KCNH8: variants seen among roughly 807,000 people sequenced by gnomAD.
KCNH8 encodes the protein voltage-gated delayed rectifier potassium channel KCNH8.
Under a neutral mutation model 103.6 loss-of-function variants are expected in KCNH8, and 70 were observed. The ratio of observed to expected loss-of-function variants is 0.68; its 90% confidence interval spans 0.56 to 0.82. The LOEUF (loss-of-function observed/expected upper bound fraction) is 0.82, where lower values mean the gene tolerates loss of function less well. Ranked by LOEUF, KCNH8 falls within the 40% of genes least tolerant of loss-of-function variation. KCNH8 has a pLI of 0.00. For missense variants in KCNH8, 1,217 were observed against 1,329.9 expected (o/e 0.92, Z 1.32); for synonymous variants, 498 against 489.4 (o/e 1.02, Z -0.23).
chr3:19,396,712 T>C (rs1424324002), intron 7 of KCNH8, among the ~76,000 whole-genome samples: 1 of 152,036 alleles, frequency 6.6e-6, no homozygotes, highest in African/African-American at 2.4e-5. Flanking sequence ...AGGGTCTGAA[T>C]TGTATGTGGA....
At chr3:19,154,446 A>G (rs1359583797) in intron 1 of KCNH8, among the ~76,000 whole-genome samples, 3 of 152,206 alleles carry the variant, frequency 2.0e-5, no homozygotes, top group Non-Finnish European at 2.9e-5. Flanking sequence ...GTAAAAAACT[A>G]TGGTGCCATC....
chr3:19,499,857 A>C (rs891038630), intron 11 of KCNH8, among the ~76,000 whole-genome samples: 1 of 152,162 alleles, frequency 6.6e-6, no homozygotes. Context: ...AAAGACCATC[A>C]AGACTAGGAA....
intron 11 of KCNH8, among the ~76,000 whole-genome samples, chr3:19,492,321 A>G (rs920409442): frequency 3.3e-5 from 5 of 152,138 alleles, no homozygotes; most frequent in African/African-American, 1.2e-4. Context: ...TTATACTTCT[A>G]TCTTTCATCC....
chr3:19,228,855 T>G (rs1346252131), intron 1 of KCNH8, among the ~76,000 whole-genome samples: 1 of 152,218 alleles, frequency 6.6e-6, no homozygotes, highest in East Asian at 1.9e-4. Context: ...AAATTGTATT[T>G]AAGACACCTA....
intron 2 of KCNH8, among the ~76,000 whole-genome samples, chr3:19,267,668 C>A (rs963010929): frequency 6.6e-6 from 1 of 151,956 alleles, no homozygotes; most frequent in African/African-American, 2.4e-5. Context: ...CCTGTAAGAG[C>A]AAGCAGAAAT....
At chr3:19,284,947 C>G (rs1039101095) in intron 3 of KCNH8, among the ~76,000 whole-genome samples, 1 of 151,044 alleles carries the variant, frequency 6.6e-6, no homozygotes, top group African/African-American at 2.4e-5. Flanking sequence ...AAGGGAATGT[C>G]TACTTAGTAC....
At chr3:19,192,227 T>C (rs147304923) in intron 1 of KCNH8, among the ~76,000 whole-genome samples, 1 of 151,832 alleles carries the variant, frequency 6.6e-6, no homozygotes, top group East Asian at 1.9e-4. Context: ...CCTAGGATTT[T>C]GTCTCATATT....
chr3:19,258,975 A>C (rs1462345870), intron 2 of KCNH8, among the ~76,000 whole-genome samples: 2 of 132,908 alleles, frequency 1.5e-5, no homozygotes, highest in South Asian at 4.8e-4. Context: ...ATATATATAT[A>C]TATATATCTG....
At chr3:19,389,617 A>G (rs1007255563) in intron 5 of KCNH8, among the ~76,000 whole-genome samples, 1 of 151,942 alleles carries the variant, frequency 6.6e-6, no homozygotes, top group Non-Finnish European at 1.5e-5. Flanking sequence ...ATTTCAGATT[A>G]TATTTAGTGG....
chr3:19,451,873 C>T (rs528071830), intron 10 of KCNH8, among the ~76,000 whole-genome samples: 30 of 152,266 alleles, frequency 2.0e-4, no homozygotes, highest in Middle Eastern at 3.4e-3. Context: ...GCTCTCATAG[C>T]AGTCATTAAC....
At chr3:19,258,560 C>T (rs1428865818) in intron 2 of KCNH8, among the ~76,000 whole-genome samples, 1 of 152,004 alleles carries the variant, frequency 6.6e-6, no homozygotes, top group East Asian at 1.9e-4. Flanking sequence ...TGGATTCTAA[C>T]TACCTGAATC....
At chr3:19,419,730 T>C (rs1476377829) in intron 7 of KCNH8, among the ~76,000 whole-genome samples, 1 of 151,872 alleles carries the variant, frequency 6.6e-6, no homozygotes, top group Non-Finnish European at 1.5e-5. Flanking sequence ...TAAAAAATGG[T>C]GGATTCACAT....
In KCNH8 at chr3:19,478,319, T is replaced by A. The variant is rs139653644; in HGVS notation, c.2040+21337T>A. ...ATACCCAGTAGTGGGATTGCTGGAT[T>A]GAATGGTGGTACTATTTTTAGTTTT... On this transcript the variant is annotated intron_variant, in intron 11 of 15. Transcript: ENST00000328405. Among the ~76,000 whole-genome samples the A allele has an allele frequency of 2.2e-3, 335 of 152,190 alleles. 2 individuals carry two copies. Among genetic ancestry groups the A allele is most frequent in the Non-Finnish European group, 3.8e-3 (260 of 67,986 alleles).
intron 15 of KCNH8, among the ~76,000 whole-genome samples, chr3:19,518,433 G>A (rs1259765751): frequency 6.6e-6 from 1 of 151,968 alleles, no homozygotes; most frequent in Non-Finnish European, 1.5e-5. Flanking sequence ...TTTTTAATGA[G>A]CTAAAGCAAG....
At chr3:19,409,264 A>G (rs143274680) in intron 7 of KCNH8, among the ~76,000 whole-genome samples, 2 of 152,294 alleles carry the variant, frequency 1.3e-5, no homozygotes, top group East Asian at 3.9e-4. Context: ...TATCCTGCCA[A>G]GCTGAACTCA....
chr3:19,427,922 C>T (rs772437681), intron 7 of KCNH8, among the ~76,000 whole-genome samples: 1 of 152,138 alleles, frequency 6.6e-6, no homozygotes, highest in Non-Finnish European at 1.5e-5. Flanking sequence ...GAAAAATCTA[C>T]TGGGGTAGCT....
chr3:19,166,463 G>A (rs922616980), intron 1 of KCNH8, among the ~76,000 whole-genome samples: 2 of 152,172 alleles, frequency 1.3e-5, no homozygotes, highest in Non-Finnish European at 2.9e-5. Context: ...TAAAAAGGAT[G>A]GCAGTCAACT....
intron 7 of KCNH8, among the ~76,000 whole-genome samples, chr3:19,400,931 TA>T (rs958674699): frequency 4.9e-4 from 74 of 152,066 alleles, no homozygotes; most frequent in African/African-American, 1.6e-3. Flanking sequence ...TAAAGAATTA[TA>T]AAAACTTTTA....
intron 1 of KCNH8, among the ~76,000 whole-genome samples, chr3:19,250,324 C>T (rs1400947182): frequency 1.3e-5 from 2 of 151,838 alleles, no homozygotes; most frequent in East Asian, 1.9e-4. Context: ...TGGTAAAAAA[C>T]CCAATGTAAT....
Sources: gnomAD v4.1 joint callset for allele counts (sites outside exome capture counted in the v4.1 genomes callset) on GRCh38, gnomAD v4.1.1 for gene constraint, MANE v1.5 for transcripts, NCBI Gene and HGNC (gene_info 2026-07-23, HGNC 2026-07-21) for gene names.